PPM1J: variants seen among roughly 807,000 people sequenced by gnomAD.
The protein encoded by PPM1J is protein phosphatase, Mg2+/Mn2+ dependent 1J.
PPM1J carries 43 observed loss-of-function variants against 53.3 expected under a neutral mutation model. The ratio of observed to expected loss-of-function variants is 0.81; its 90% CI spans 0.63 to 1.04. The LOEUF (loss-of-function observed/expected upper bound fraction) is 1.04. Ranked by LOEUF, PPM1J falls within the 50% of genes least tolerant of loss-of-function variation. The pLI is 0.00. For synonymous variants in PPM1J, 267 were observed against 286.4 expected (o/e 0.93, Z 0.68); for missense variants, 635 against 685.9 (o/e 0.93, Z 0.83).
At position 112,710,446 on chromosome 1, in the gene PPM1J, C is replaced by T; in HGVS notation, c.1370+14G>A. The T allele has an allele frequency of 6.2e-7, 1 of 1,613,338 alleles. No homozygotes were observed. Among genetic ancestry groups the T allele is most frequent in the Non-Finnish European group, 8.5e-7 (1 of 1,179,852 alleles). ...CAATGCCATCCCCTTACCACCATGC[C>T]ATGCAGCCCCTACCTGCTGTGGTCA... On this transcript the variant is annotated intron_variant, in intron 9 of 9. Coordinates refer to ENST00000309276, the MANE Select transcript of PPM1J (RefSeq NM_005167.7).
Position 112,711,289 on chromosome 1 carries a change from G to A in PPM1J, c.1023C>T (p.Tyr341=), listed in dbSNP as rs1675052514. 1.2e-6 allele frequency: 2 copies of A among 1,608,040 alleles called. No individual in the cohort carries two copies. The highest frequency in any genetic ancestry group is 8.5e-7 in the Non-Finnish European group (1 of 1,176,980). The part of the protein sequence containing the change: ...LPKELGQRML[Y]RDQNMTGWAY... The stretch of plus-strand genomic sequence containing the variant: ...ACCAGCCGGTCATGTTCTGGTCCCG[G>A]TACAACATCCTCTGCCCCAGCTCCT... The change falls in exon 6 of 10, where the codon TAC becomes TAT. Residue 341 remains tyrosine, a synonymous_variant. Coordinates refer to ENST00000309276, the MANE Select transcript of PPM1J (RefSeq NM_005167.7).
Position 112,715,293 on chromosome 1 carries a change from G to C in PPM1J, c.9C>G (p.Asn3Lys), listed in dbSNP as rs1052618079. 7.7e-7 allele frequency: 1 copy of C among 1,297,704 alleles called. No individual in the cohort carries two copies. The highest frequency in any genetic ancestry group is 1.6e-5 in the African/African-American group (1 of 64,478). The allele number at this position is 1,297,704 out of a possible 1,614,324, so 80.4% of individuals were successfully genotyped here. ...GGTGCGCCACGGCCGAGCGCACCCG[G>C]TTTAGCATGCTGCCTCCCTGCCCCG... ML[N>K]RVRSAVAHLV... Residue 3 changes from asparagine (N) to lysine (K), a missense_variant, in exon 1 of 10, where the codon AAC becomes AAG. Coordinates refer to ENST00000309276, the MANE Select transcript of PPM1J (RefSeq NM_005167.7). The surrounding 1 kb of genome is among the most constrained non-coding windows in gnomAD (Gnocchi z 4.4).
At position 112,710,157 on chromosome 1, in the gene PPM1J, AG is replaced by A; in HGVS notation, c.*5del. 6.5e-7 allele frequency: 1 copy of A among 1,549,586 alleles called. No homozygotes were observed. Among genetic ancestry groups the A allele is most frequent in the Non-Finnish European group, 8.7e-7 (1 of 1,151,216 alleles). ...GAGGCTAGTGGGAGGGATGGTGTTC[AG>A]CCCCTCAGGAGTAACTGCCTGGCCC... On this transcript the variant is annotated 3_prime_UTR_variant, in exon 10 of 10. Coordinates refer to ENST00000309276, the MANE Select transcript of PPM1J (RefSeq NM_005167.7).
chr1:112,712,124 G>T, intron 4 of PPM1J, 69 bp from the exon 5 acceptor site: 2 of 1,311,990 alleles, frequency 1.5e-6, no homozygotes, highest in Non-Finnish European at 2.1e-6. Context: ...ATTCCAGAAA[G>T]ACCAGGCCCT....
Position 112,712,939 on chromosome 1 carries a change from T to C in PPM1J, c.534A>G (p.Arg178=), listed in dbSNP as rs1675101995. The change falls in exon 3 of 10, where the codon CGA becomes CGG. Residue 178 remains arginine, a synonymous_variant. Transcript: ENST00000309276. Reference sequence around the variant, plus strand: ...TCTCTACCAGGTCCTTTAGCTGCTCTCGGATATGGCGATGCAGGAGCCGTG... The same window carrying C: ...TCTCTACCAGGTCCTTTAGCTGCTCCCGGATATGGCGATGCAGGAGCCGTG... ...MASRLLHRHI[R]EQLKDLVEIL... 2.5e-6 allele frequency: 4 copies of C among 1,613,984 alleles called. No individual in the cohort carries two copies. Among genetic ancestry groups the C allele is most frequent in the Non-Finnish European group, 3.4e-6 (4 of 1,180,006 alleles).
chr1:112,714,223 A>AGGT, intron 1 of PPM1J: 1 of 986,924 alleles, frequency 1.0e-6, no homozygotes, highest in East Asian at 1.1e-4. Flanking sequence ...AGGCTAAGGG[A>AGGT]GGTGGTGGTG....
At chr1:112,711,207 G>GGGC in intron 6 of PPM1J, 59 bp downstream of exon 6, 1 of 1,481,702 alleles carries the variant, frequency 6.7e-7, no homozygotes, top group Non-Finnish European at 9.4e-7. Flanking sequence ...ACCTTGCTGC[G>GGGC]GGCGAGGGAC....
chr1:112,714,397 G>C (rs1675144365), intron 1 of PPM1J: 1 of 985,530 alleles, frequency 1.0e-6, no homozygotes, highest in Non-Finnish European at 1.2e-6. Context: ...CGAGTTGGCA[G>C]GCTGAAGGGC....
At chr1:112,711,550 C>A in intron 5 of PPM1J, 166 bp from the exon 6 acceptor site, 1 of 594,648 alleles carries the variant, frequency 1.7e-6, no homozygotes, top group Non-Finnish European at 3.0e-6. Context: ...CTCACAACAG[C>A]CCTTAAGGCA....
rs1007730235 is a variant in PPM1J, at chr1:112,710,069, G to A, written c.*94C>T. ...CGGACATCCCTTCTTCAGTTAAGTT[G>A]CCACTAAAGAAGGGTCAGGGAGACA... On this transcript the variant is annotated 3_prime_UTR_variant, in exon 10 of 10. Coordinates refer to ENST00000309276, the MANE Select transcript of PPM1J (RefSeq NM_005167.7). 1.4e-6 allele frequency: 2 copies of A among 1,469,686 alleles called. No individual in the cohort carries two copies. The highest frequency in any genetic ancestry group is 2.8e-5 in the African/African-American group (2 of 70,392). The allele number at this position is 1,469,686 out of a possible 1,614,324, so 91.0% of individuals were successfully genotyped here.
intron 6 of PPM1J, 21 bp from the exon 7 acceptor site, chr1:112,711,092 GAGGCATCACCC>G: frequency 1.2e-6 from 2 of 1,611,240 alleles, no homozygotes; most frequent in South Asian, 1.1e-5. Flanking sequence ...GGGAGTAGAG[GAGGCATCACCC>G]AGGCATCAAA....
In PPM1J at chr1:112,715,017, C is replaced by CG. The variant is rs761301211; in HGVS notation, c.284dup (p.Asp96GlyfsTer25). 3.4e-6 allele frequency: 5 copies of CG among 1,482,904 alleles called. No homozygotes were observed. Among genetic ancestry groups the CG allele is most frequent in the Admixed American group, 2.5e-5 (1 of 39,956 alleles). The allele number at this position is 1,482,904 out of a possible 1,614,324, so 91.9% of individuals were successfully genotyped here. The stretch of plus-strand genomic sequence containing the variant: ...TCCAGGGCAGGCGGCGGCCCGTGTC[C>CG]GGGGGGCTTTGCACAGCCCGGCCCG... On this transcript the variant is annotated frameshift_variant, in exon 1 of 10. Transcript: ENST00000309276. LOFTEE classifies it high-confidence loss of function. The surrounding 1 kb of genome is among the most constrained non-coding windows in gnomAD (Gnocchi z 4.4).
At position 112,711,079 on chromosome 1, in the gene PPM1J, G is replaced by T; in HGVS notation, c.1047-8C>A. ...TCGATCTTTTTGTAGGCCCTGGGGA[G>T]GGGGGAGTAGAGGAGGCATCACCCA... On this transcript the variant is annotated splice_polypyrimidine_tract_variant and splice_region_variant and intron_variant, in intron 6 of 9. Transcript: ENST00000309276. 2.5e-6 allele frequency: 4 copies of T among 1,612,732 alleles called. No homozygotes were observed. Among genetic ancestry groups the T allele is most frequent in the South Asian group, 2.2e-5 (2 of 91,048 alleles).
chr1:112,713,541 G>A lies in PPM1J; in HGVS notation c.397C>T (p.Arg133Trp), dbSNP rs145580651. Residue 133 changes from arginine to tryptophan, a missense_variant, in exon 2 of 10, where the codon CGG (arginine) becomes TGG (tryptophan). By Grantham distance (101) the Arg-to-Trp change is moderately radical. Transcript: ENST00000309276. ...CTAGGTACTCCTGTAACACTCCTCCGACCTTCCACATACACCACTTCACAG... is the reference window on the plus strand; with the variant it reads ...CTAGGTACTCCTGTAACACTCCTCCAACCTTCCACATACACCACTTCACAG... Reference protein sequence around the residue: ...ACCEVVYVEGRRSVTGVPREP... With the variant: ...ACCEVVYVEGWRSVTGVPREP... The A allele has an allele frequency of 1.7e-5, 28 of 1,613,926 alleles. No homozygotes were observed. Among genetic ancestry groups the A allele is most frequent in the Admixed American group, 6.7e-5 (4 of 59,998 alleles).
Position 112,715,329 on chromosome 1 carries a change from C to CCCA in PPM1J, c.-29_-28insTGG, listed in dbSNP as rs1675177946. ...TGCCTCCCTGCCCCGCCCTCGGCCGCGGCCCCGCCCCCGCCCAGGCCCCGC... is the reference window on the plus strand; with the variant it reads ...TGCCTCCCTGCCCCGCCCTCGGCCGCCCAGGCCCCGCCCCCGCCCAGGCCCCGC... On this transcript the variant is annotated 5_prime_UTR_variant, in exon 1 of 10. Transcript: ENST00000309276. This position sits in a 1 kb window ranked among gnomAD's most constrained non-coding sequence, Gnocchi z 4.4. 1 of 1,222,320 alleles carries CCCA rather than the reference C, an allele frequency of 8.2e-7. No homozygotes were observed. The highest frequency in any genetic ancestry group is 1.6e-5 in the African/African-American group (1 of 63,610). 75.7% of individuals were successfully genotyped at this position (1,222,320 alleles called of 1,614,324 possible).
In PPM1J at chr1:112,714,964, G is replaced by A. The variant is rs1379497182; in HGVS notation, c.326+12C>T. 7 of 1,386,242 alleles carry A rather than the reference G, an allele frequency of 5.0e-6. No individual in the cohort carries two copies. Among genetic ancestry groups the A allele is most frequent in the Non-Finnish European group, 5.6e-6 (6 of 1,073,248 alleles). The allele number at this position is 1,386,242 out of a possible 1,614,324, so 85.9% of individuals were successfully genotyped here. On this transcript the variant is annotated intron_variant, in intron 1 of 9. Coordinates refer to ENST00000309276, the MANE Select transcript of PPM1J (RefSeq NM_005167.7). The stretch of plus-strand genomic sequence containing the variant: ...GCCCCATCCTGGTTTGGGTGCCCCA[G>A]GGGGCGCTCACTCGGCGTAGCCTGT...
intron 8 of PPM1J, 61 bp downstream of exon 8, chr1:112,710,683 C>G: frequency 6.2e-7 from 1 of 1,613,088 alleles, no homozygotes; most frequent in South Asian, 1.1e-5. Flanking sequence ...GATAAAGGGA[C>G]TGCAGATGAA....
At chr1:112,712,308 GC>G (rs1675082051) in intron 4 of PPM1J, 36 bp downstream of exon 4, 2 of 1,464,552 alleles carry the variant, frequency 1.4e-6, no homozygotes, top group Admixed American at 3.8e-5. Flanking sequence ...AGAGAGTGTG[GC>G]CCTCTGTCGC....
chr1:112,713,673 C>G, intron 1 of PPM1J, 62 bp from the exon 2 acceptor site: 1 of 1,302,156 alleles, frequency 7.7e-7, no homozygotes, highest in Non-Finnish European at 1.1e-6. Flanking sequence ...ATAACCCCCA[C>G]CTTAGACACA....
Sources: gnomAD v4.1 joint callset for allele counts on GRCh38, gnomAD v4.1.1 for gene constraint, Gnocchi (gnomAD v3.1) non-coding constraint, MANE v1.5 for transcripts, NCBI Gene and HGNC (gene_info 2026-07-23, HGNC 2026-07-21) for gene names.